IPCEF1: variants seen among roughly 807,000 people sequenced by gnomAD.
IPCEF1 encodes the protein interaction protein for cytohesin exchange factors 1.
A neutral mutation model predicts 50.9 loss-of-function variants in IPCEF1; 31 were observed. That is an observed-to-expected ratio of 0.61 (90% CI 0.46 to 0.82). The LOEUF is 0.82. IPCEF1 is among the 40% of genes least tolerant of loss of function. IPCEF1 has a pLI of 0.00. For missense variants in IPCEF1, 458 were observed against 514.0 expected (o/e 0.89, Z 1.05); for synonymous variants, 181 against 192.0 (o/e 0.94, Z 0.47).
At position 154,159,877 on chromosome 6, in the gene IPCEF1, T is replaced by TG. The variant is rs749464600; in HGVS notation, c.1267dup (p.Gln423ProfsTer13). Reference sequence around the variant, plus strand: ...AGAAGAAGGTGATTTCTTGAGTTCCTGGGGGGTGTCATCAGTGTCATCAGG... The same window carrying TG: ...AGAAGAAGGTGATTTCTTGAGTTCCTGGGGGGGTGTCATCAGTGTCATCAGG... On this transcript the variant is annotated frameshift_variant, in exon 12 of 12. Coordinates refer to ENST00000367220, the MANE Select transcript of IPCEF1 (RefSeq NM_001130700.2). LOFTEE classifies it high-confidence loss of function. 2 of 1,613,188 alleles carry TG rather than the reference T, an allele frequency of 1.2e-6. No homozygotes were observed. The highest frequency in any genetic ancestry group is 1.7e-6 in the Non-Finnish European group (2 of 1,179,810).
intron 1 of IPCEF1, among the ~76,000 whole-genome samples, chr6:154,293,916 TC>T (rs984694455): frequency 9.2e-5 from 14 of 152,198 alleles, no homozygotes; most frequent in African/African-American, 3.4e-4. Flanking sequence ...CATGTATCAT[TC>T]ATTTTTCCCC....
At chr6:154,204,858 G>C (rs557461246) in intron 9 of IPCEF1, among the ~76,000 whole-genome samples, 285 of 152,182 alleles carry the variant, frequency 1.9e-3, no homozygotes, top group African/African-American at 6.6e-3. Context: ...GTATTCATTA[G>C]AGCTTAGAAG....
At chr6:154,235,420 T>A (rs1392362070) in intron 5 of IPCEF1, among the ~76,000 whole-genome samples, 1 of 150,226 alleles carries the variant, frequency 6.7e-6, no homozygotes, top group Non-Finnish European at 1.5e-5. Flanking sequence ...TAGTCCCAGC[T>A]ACTCGAGAGG....
Position 154,263,492 on chromosome 6 carries a change from C to T in IPCEF1, c.36+2420G>A, listed in dbSNP as rs1180588057. ...CAAGCATCTGTTTAACAAAGCACATCTTGCACCGCCCTTAATCCATTCAAC... is the reference window on the plus strand; with the variant it reads ...CAAGCATCTGTTTAACAAAGCACATTTTGCACCGCCCTTAATCCATTCAAC... On this transcript the variant is annotated intron_variant, in intron 3 of 11. Transcript: ENST00000367220. Among the ~76,000 whole-genome samples, 8 of 118,686 alleles carry T rather than the reference C, an allele frequency of 6.7e-5. No homozygotes were observed. The East Asian group carries it at 1.5e-3, about 23-fold the overall frequency. The allele number at this position is 118,686 out of a possible 152,430, so 77.9% of individuals were successfully genotyped here.
chr6:154,261,788 C>T (rs958401628), intron 3 of IPCEF1, among the ~76,000 whole-genome samples: 2 of 152,082 alleles, frequency 1.3e-5, no homozygotes, highest in Non-Finnish European at 2.9e-5. Flanking sequence ...CTAGGATCAA[C>T]GAAAGGACCT....
intron 11 of IPCEF1, among the ~76,000 whole-genome samples, chr6:154,163,140 C>A (rs1001646886): frequency 6.6e-6 from 1 of 152,162 alleles, no homozygotes; most frequent in Non-Finnish European, 1.5e-5. Context: ...TGTCTTACTC[C>A]GAGCAGAAGC....
intron 1 of IPCEF1, among the ~76,000 whole-genome samples, chr6:154,329,795 A>G (rs1405536016): frequency 1.3e-5 from 2 of 152,248 alleles, no homozygotes; most frequent in South Asian, 2.1e-4. Flanking sequence ...GCGAATTCAC[A>G]TGCTTCCAAA....
At chr6:154,255,773 A>G (rs1781445409) in intron 3 of IPCEF1, among the ~76,000 whole-genome samples, 1 of 152,094 alleles carries the variant, frequency 6.6e-6, no homozygotes, top group Admixed American at 6.5e-5. Context: ...CAAGTTACTA[A>G]TACTCTTTTT....
At chr6:154,282,355 G>A (rs565346789) in intron 2 of IPCEF1, among the ~76,000 whole-genome samples, 115 of 152,172 alleles carry the variant, frequency 7.6e-4, no homozygotes, top group African/African-American at 2.5e-3. Context: ...TCTCTTTCGC[G>A]GGACCAGAGT....
intron 1 of IPCEF1, among the ~76,000 whole-genome samples, chr6:154,343,428 A>G (rs1783960436): frequency 6.6e-6 from 1 of 152,194 alleles, no homozygotes; most frequent in South Asian, 2.1e-4. Context: ...AAAACTCAGG[A>G]AAGTGCCATT....
intron 1 of IPCEF1, among the ~76,000 whole-genome samples, chr6:154,335,452 C>A (rs1703103112): frequency 6.6e-6 from 1 of 152,188 alleles, no homozygotes. Flanking sequence ...TTCCAGTGAA[C>A]CTTCCAAGGA....
At chr6:154,248,648 G>T (rs932761411) in intron 3 of IPCEF1, among the ~76,000 whole-genome samples, 8 of 152,062 alleles carry the variant, frequency 5.3e-5, no homozygotes, top group Admixed American at 1.3e-4. Context: ...AGAGGAGAAG[G>T]TCTTTAAATC....
At chr6:154,210,809 T>C (rs1269222813) in intron 9 of IPCEF1, among the ~76,000 whole-genome samples, 1 of 152,236 alleles carries the variant, frequency 6.6e-6, no homozygotes, top group Non-Finnish European at 1.5e-5. Context: ...TAATTTTGGC[T>C]AATCATATTT....
At chr6:154,232,620 A>T (rs1262366722) in intron 5 of IPCEF1, among the ~76,000 whole-genome samples, 2 of 152,198 alleles carry the variant, frequency 1.3e-5, no homozygotes, top group Non-Finnish European at 2.9e-5. Context: ...AGGCTCAGGA[A>T]CTGAAATGGG....
chr6:154,295,290 C>A (rs1273046766), intron 1 of IPCEF1, among the ~76,000 whole-genome samples: 1 of 152,178 alleles, frequency 6.6e-6, no homozygotes, highest in Non-Finnish European at 1.5e-5. Flanking sequence ...ATTAAGTATT[C>A]ATTTTCACAG....
At chr6:154,285,182 T>C (rs1334353611) in intron 2 of IPCEF1, among the ~76,000 whole-genome samples, 1 of 152,238 alleles carries the variant, frequency 6.6e-6, no homozygotes, top group Non-Finnish European at 1.5e-5. Flanking sequence ...TAGTTGCCTT[T>C]TTTAACAATT....
chr6:154,186,859 A>G (rs1436316300), intron 10 of IPCEF1, among the ~76,000 whole-genome samples: 1 of 152,064 alleles, frequency 6.6e-6, no homozygotes, highest in East Asian at 1.9e-4. Context: ...CCCGGCCCAG[A>G]GCAGCTCTTT....
chr6:154,266,821 A>G (rs1781768957), intron 2 of IPCEF1, among the ~76,000 whole-genome samples: 1 of 152,058 alleles, frequency 6.6e-6, no homozygotes, highest in South Asian at 2.1e-4. Flanking sequence ...AGAAAAGCAA[A>G]TGAAAACAAA....
intron 1 of IPCEF1, among the ~76,000 whole-genome samples, chr6:154,297,886 T>C (rs1361685700): frequency 1.3e-5 from 2 of 152,198 alleles, no homozygotes; most frequent in African/African-American, 4.8e-5. Flanking sequence ...CCACTAACTT[T>C]ATTAGGCATG....
Sources: gnomAD v4.1 joint callset for allele counts (sites outside exome capture counted in the v4.1 genomes callset) on GRCh38, gnomAD v4.1.1 for gene constraint, MANE v1.5 for transcripts, NCBI Gene and HGNC (gene_info 2026-07-23, HGNC 2026-07-21) for gene names.